RBFOX1: variants seen among roughly 807,000 people sequenced by gnomAD.
RBFOX1 encodes the protein RNA binding fox-1 homolog 1.
Under a neutral mutation model 57.7 loss-of-function variants are expected in RBFOX1, and 8 were observed. The observed-to-expected ratio is 0.14, with a 90% CI of 0.08 to 0.25. The LOEUF (loss-of-function observed/expected upper bound fraction) is 0.25, where lower values mean the gene tolerates loss of function less well. RBFOX1 is among the 10% of genes least tolerant of loss of function. RBFOX1 has a pLI of 1.00. For synonymous variants in RBFOX1, 326 were observed against 222.4 expected (o/e 1.47, Z -4.15); for missense variants, 611 against 548.5 (o/e 1.11, Z -1.14).
chr16:7,700,072 C>CTTGT (rs2080165355), intron 14 of RBFOX1, among the ~76,000 whole-genome samples: 1 of 152,082 alleles, frequency 6.6e-6, no homozygotes, highest in East Asian at 1.9e-4. Context: ...TCTCAACCTG[C>CTTGT]TTGTTTTGTC....
chr16:6,967,471 T>G (rs1401197279), intron 3 of RBFOX1, among the ~76,000 whole-genome samples: 2 of 152,058 alleles, frequency 1.3e-5, no homozygotes, highest in Non-Finnish European at 2.9e-5. Flanking sequence ...GGGCAGTGGA[T>G]AGGATAGGAG....
intron 1 of RBFOX1, among the ~76,000 whole-genome samples, chr16:5,277,994 G>C (rs776904146): frequency 1.1e-4 from 16 of 152,272 alleles, no homozygotes; most frequent in Non-Finnish European, 8.8e-5. Context: ...TTGATACACT[G>C]ATATCCTTTT....
chr16:5,260,160 A>G (rs895760593), intron 1 of RBFOX1, among the ~76,000 whole-genome samples: 3 of 152,220 alleles, frequency 2.0e-5, no homozygotes, highest in Non-Finnish European at 4.4e-5. Context: ...AGATCATACC[A>G]CTGCACTCCA....
At chr16:5,662,593 C>T (rs1032448279) in intron 3 of RBFOX1, among the ~76,000 whole-genome samples, 2 of 152,110 alleles carry the variant, frequency 1.3e-5, no homozygotes, top group Non-Finnish European at 2.9e-5. Context: ...TGGAGTTACC[C>T]CCTACCATTT....
In RBFOX1 at chr16:5,944,760, C is replaced by G. The variant is rs75438636; in HGVS notation, c.351+77425C>G. ...ACGAGGTCAAGAGATAGAGACCATC[C>G]TGGCCAACTTGGTGAAACCCTGTCT... On this transcript the variant is annotated intron_variant, in intron 4 of 19. Coordinates refer to the RBFOX1 transcript ENST00000641259. Among the ~76,000 whole-genome samples the G allele has an allele frequency of 5.8e-3, 731 of 125,252 alleles. 11 individuals carry two copies. The highest frequency in any genetic ancestry group is 0.023 in the African/African-American group (705 of 30,840). The allele number at this position is 125,252 out of a possible 152,430, so 82.2% of individuals were successfully genotyped here. A position where few individuals can be genotyped will look rare whatever the true frequency, so the allele number is the denominator to read the frequency against.
chr16:5,383,985 C>G (rs1317154099), intron 1 of RBFOX1, among the ~76,000 whole-genome samples: 2 of 152,202 alleles, frequency 1.3e-5, no homozygotes, highest in East Asian at 3.9e-4. Flanking sequence ...GCTGGCTTCA[C>G]TATCAGGAAG....
intron 3 of RBFOX1, among the ~76,000 whole-genome samples, chr16:5,631,633 C>G (rs1355192079): frequency 6.6e-6 from 1 of 152,030 alleles, no homozygotes; most frequent in African/African-American, 2.4e-5. Flanking sequence ...TTGCAGACTC[C>G]TTTGCCCTTC....
intron 1 of RBFOX1, among the ~76,000 whole-genome samples, chr16:6,137,756 C>T (rs936759930): frequency 2.0e-5 from 3 of 151,592 alleles, no homozygotes; most frequent in Non-Finnish European, 4.4e-5. Context: ...TGGATGTATG[C>T]ACCATCACAC....
At chr16:6,334,078 G>A (rs1230637659) in intron 2 of RBFOX1, among the ~76,000 whole-genome samples, 2 of 152,136 alleles carry the variant, frequency 1.3e-5, no homozygotes, top group Non-Finnish European at 2.9e-5. Flanking sequence ...AATTTTCCTT[G>A]ATTAAAGAAG....
chr16:5,438,282 G>T (rs1356558112), intron 1 of RBFOX1, among the ~76,000 whole-genome samples: 1 of 152,170 alleles, frequency 6.6e-6, no homozygotes, highest in Non-Finnish European at 1.5e-5. Flanking sequence ...CCAGGGTTGT[G>T]GGTGTGTCTA....
chr16:7,100,126 G>C (rs1375042200), intron 4 of RBFOX1, among the ~76,000 whole-genome samples: 1 of 150,646 alleles, frequency 6.6e-6, no homozygotes, highest in East Asian at 1.9e-4. Flanking sequence ...TCTGGTGAAG[G>C]GAACAAAAAA....
intron 4 of RBFOX1, among the ~76,000 whole-genome samples, chr16:7,179,404 A>G (rs976058736): frequency 2.0e-5 from 3 of 151,998 alleles, no homozygotes; most frequent in African/African-American, 4.8e-5. Context: ...TCTGCCTTCC[A>G]TCTCTCTCAA....
At chr16:5,717,848 A>G (rs999168307) in intron 3 of RBFOX1, among the ~76,000 whole-genome samples, 4 of 152,234 alleles carry the variant, frequency 2.6e-5, no homozygotes, top group African/African-American at 9.6e-5. Flanking sequence ...ATAGATAGGT[A>G]TTTTTGACCA....
At chr16:5,954,436 A>G (rs1216777427) in intron 4 of RBFOX1, among the ~76,000 whole-genome samples, 3 of 152,118 alleles carry the variant, frequency 2.0e-5, no homozygotes, top group Non-Finnish European at 4.4e-5. Flanking sequence ...CCAGCAGAAA[A>G]TGATCTCGGT....
intron 1 of RBFOX1, among the ~76,000 whole-genome samples, chr16:6,289,098 G>A (rs970026795): frequency 2.6e-5 from 4 of 152,044 alleles, no homozygotes; most frequent in African/African-American, 4.8e-5. Flanking sequence ...CTTTTGGAGG[G>A]GGTTATTTCT....
intron 1 of RBFOX1, among the ~76,000 whole-genome samples, chr16:6,307,891 AT>A (rs1432838492): frequency 7.8e-6 from 1 of 128,324 alleles, no homozygotes; most frequent in Admixed American, 7.8e-5. Flanking sequence ...TTATTTATAT[AT>A]TTATTTGGAT....
At chr16:5,937,876 GAT>G (rs1463380082) in intron 4 of RBFOX1, among the ~76,000 whole-genome samples, 3 of 151,252 alleles carry the variant, frequency 2.0e-5, no homozygotes, top group Non-Finnish European at 1.5e-5. Context: ...TGCTTACATA[GAT>G]ATATATTGCA....
intron 4 of RBFOX1, among the ~76,000 whole-genome samples, chr16:7,306,874 A>AGT (rs1314897616): frequency 6.6e-6 from 1 of 152,174 alleles, no homozygotes; most frequent in African/African-American, 2.4e-5. Flanking sequence ...CATATCGATA[A>AGT]GTAATATCTT....
chr16:6,387,937 G>C (rs943888956), intron 2 of RBFOX1, among the ~76,000 whole-genome samples: 1 of 148,946 alleles, frequency 6.7e-6, no homozygotes, highest in Admixed American at 6.7e-5. Context: ...GTGAGCATGC[G>C]CACCTATCAG....
Sources: allele counts gnomAD v4.1 joint callset (sites outside exome capture counted in the v4.1 genomes callset), GRCh38; gene constraint gnomAD v4.1.1; transcripts MANE v1.5; gene names NCBI Gene and HGNC (gene_info 2026-07-23, HGNC 2026-07-21).